SEMA5A: variants seen among roughly 807,000 people sequenced by gnomAD.
SEMA5A encodes semaphorin-5A.
A neutral mutation model predicts 135.5 loss-of-function variants in SEMA5A; 55 were observed. The ratio of observed to expected loss-of-function variants is 0.41; its 90% CI spans 0.33 to 0.51. SEMA5A has a LOEUF of 0.51. SEMA5A is among the 20% of genes least tolerant of loss of function. The probability of loss-of-function intolerance (pLI) is 0.37; values close to 1 mark genes in which losing one functional copy is unlikely to be tolerated. For missense variants in SEMA5A, 1,290 were observed against 1,419.9 expected (o/e 0.91, Z 1.47); for synonymous variants, 580 against 546.5 (o/e 1.06, Z -0.85).
Position 9,040,296 on chromosome 5 carries a change from A to AAAG in SEMA5A, c.*2598_*2600dup, listed in dbSNP as rs1735891862. On this transcript the variant is annotated 3_prime_UTR_variant, in exon 23 of 23. Coordinates refer to ENST00000382496, the MANE Select transcript of SEMA5A (RefSeq NM_003966.3). The stretch of plus-strand genomic sequence containing the variant: ...TTCAGGAATTTAAAATGTGAACCGC[A>AAAG]AAGTTTCACCAGGACTTCCAAACAG... 1 of 152,270 alleles carries AAAG rather than the reference A, an allele frequency of 6.6e-6. No individual in the cohort carries two copies. Among genetic ancestry groups the AAAG allele is most frequent in the South Asian group, 2.1e-4 (1 of 4,836 alleles). The allele number at this position is 152,270 out of a possible 1,614,324, so 9.4% of individuals were successfully genotyped here. A position where few individuals can be genotyped will look rare whatever the true frequency, so the allele number is the denominator to read the frequency against.
intron 10 of SEMA5A, among the ~76,000 whole-genome samples, chr5:9,193,813 C>T (rs539617239): frequency 1.3e-5 from 2 of 152,266 alleles, no homozygotes; most frequent in South Asian, 4.1e-4. Context: ...CAGACAATTG[C>T]TTGAACCCAG....
At chr5:9,259,393 T>C (rs1749277521) in intron 5 of SEMA5A, among the ~76,000 whole-genome samples, 1 of 152,026 alleles carries the variant, frequency 6.6e-6, no homozygotes, top group South Asian at 2.1e-4. Context: ...TGAGTTCTAG[T>C]TTGATTGCAC....
intron 5 of SEMA5A, among the ~76,000 whole-genome samples, chr5:9,242,349 G>A (rs1748246727): frequency 6.6e-6 from 1 of 152,162 alleles, no homozygotes; most frequent in Admixed American, 6.5e-5. Context: ...ACGAAAAAAG[G>A]CAGTAAACAT....
intron 2 of SEMA5A, among the ~76,000 whole-genome samples, chr5:9,410,560 G>A (rs1757067636): frequency 6.6e-6 from 1 of 152,050 alleles, no homozygotes; most frequent in African/African-American, 2.4e-5. Context: ...CATTCCTCAG[G>A]GACAAGGATA....
At chr5:9,201,916 G>C in intron 9 of SEMA5A, 39 bp downstream of exon 9, 1 of 1,570,432 alleles carries the variant, frequency 6.4e-7, no homozygotes, top group Admixed American at 1.7e-5. Context: ...TTCAGAATGA[G>C]TAAGAGAGAG....
At chr5:9,389,036 TGTC>T (rs1756031426) in intron 2 of SEMA5A, among the ~76,000 whole-genome samples, 1 of 152,226 alleles carries the variant, frequency 6.6e-6, no homozygotes, top group Non-Finnish European at 1.5e-5. Context: ...ACCCTTCTAC[TGTC>T]ATCAGTCTGG....
intron 12 of SEMA5A, among the ~76,000 whole-genome samples, chr5:9,154,061 AAAT>A (rs1282195688): frequency 1.2e-3 from 58 of 46,864 alleles, no homozygotes; most frequent in African/African-American, 2.6e-3. Context: ...AAAAAAAAAA[AAAT>A]ATATATATAT....
rs1244236369 is a variant in SEMA5A, at chr5:9,041,539, G to A, written c.*1358C>T. 2.0e-5 allele frequency: 3 copies of A among 152,168 alleles called. No homozygotes were observed. The highest frequency in any genetic ancestry group is 2.1e-4 in the South Asian group (1 of 4,832). The allele number at this position is 152,168 out of a possible 1,614,324, so 9.4% of individuals were successfully genotyped here. A position where few individuals can be genotyped will look rare whatever the true frequency, so the allele number is the denominator to read the frequency against. On this transcript the variant is annotated 3_prime_UTR_variant, in exon 23 of 23. Coordinates refer to ENST00000382496, the MANE Select transcript of SEMA5A (RefSeq NM_003966.3). Reference sequence around the variant, plus strand: ...GTTAGCACACTCTTAAATGCTTATCGATGATCAGTGAAGAGACCACAGGGA... The same window carrying A: ...GTTAGCACACTCTTAAATGCTTATCAATGATCAGTGAAGAGACCACAGGGA...
intron 5 of SEMA5A, among the ~76,000 whole-genome samples, chr5:9,257,263 C>G (rs1290719398): frequency 6.6e-6 from 1 of 152,202 alleles, no homozygotes; most frequent in Non-Finnish European, 1.5e-5. Flanking sequence ...TACCTATCAT[C>G]TCTATGACCT....
At chr5:9,315,320 T>C (rs2150659632) in intron 5 of SEMA5A, among the ~76,000 whole-genome samples, 1 of 152,290 alleles carries the variant, frequency 6.6e-6, no homozygotes, top group Non-Finnish European at 1.5e-5. Flanking sequence ...AGAAATGATA[T>C]CCATTATCCC....
rs954645683 is a variant in SEMA5A at position 9,194,258 on chromosome 5, GA to G, written c.1068+2909del. ...TTTATATATTTTGTCCGAAAAAAAT[GA>G]TACTTTTTGTTGCTTTGTTACTGTT... On this transcript the variant is annotated intron_variant, in intron 10 of 22. Coordinates refer to ENST00000382496, the MANE Select transcript of SEMA5A (RefSeq NM_003966.3). Among the ~76,000 whole-genome samples, 5 of 152,094 alleles carry G rather than the reference GA, an allele frequency of 3.3e-5. No homozygotes were observed. In the East Asian group the frequency reaches 9.7e-4, roughly 29 times the overall value.
chr5:9,166,674 G>A (rs966223719), intron 11 of SEMA5A, among the ~76,000 whole-genome samples: 4 of 152,148 alleles, frequency 2.6e-5, no homozygotes, highest in African/African-American at 9.7e-5. Context: ...GCTCCTTGCA[G>A]TACCCTAAAT....
At chr5:9,460,565 G>A (rs1378591154) in intron 1 of SEMA5A, among the ~76,000 whole-genome samples, 1 of 152,128 alleles carries the variant, frequency 6.6e-6, no homozygotes, top group African/African-American at 2.4e-5. Context: ...TATGCTAGAT[G>A]TTCAAGTAGC....
intron 11 of SEMA5A, among the ~76,000 whole-genome samples, chr5:9,169,276 A>C (rs2150303242): frequency 6.6e-6 from 1 of 152,330 alleles, no homozygotes; most frequent in African/African-American, 2.4e-5. Context: ...TATTGAATCA[A>C]GTTGCAGACC....
At chr5:9,512,464 G>A (rs943116179) in intron 1 of SEMA5A, among the ~76,000 whole-genome samples, 1 of 152,162 alleles carries the variant, frequency 6.6e-6, no homozygotes, top group Non-Finnish European at 1.5e-5. Context: ...GTAGGAAGTG[G>A]TGAATCCAAA....
At chr5:9,369,152 T>A (rs1755032352) in intron 3 of SEMA5A, among the ~76,000 whole-genome samples, 1 of 152,212 alleles carries the variant, frequency 6.6e-6, no homozygotes, top group South Asian at 2.1e-4. Flanking sequence ...CTAGTCCATT[T>A]TTAAAAATTA....
intron 2 of SEMA5A, among the ~76,000 whole-genome samples, chr5:9,405,835 T>A (rs1482339299): frequency 1.3e-5 from 2 of 152,170 alleles, no homozygotes; most frequent in Non-Finnish European, 2.9e-5. Context: ...CATATGCAGG[T>A]AAACGATGTC....
intron 2 of SEMA5A, among the ~76,000 whole-genome samples, chr5:9,421,836 C>T (rs1757481005): frequency 6.6e-6 from 1 of 152,160 alleles, no homozygotes; most frequent in Non-Finnish European, 1.5e-5. Flanking sequence ...ATATATTTTT[C>T]AATTTTCTTA....
chr5:9,218,447 T>A (rs1045585629), intron 8 of SEMA5A, among the ~76,000 whole-genome samples: 4 of 152,138 alleles, frequency 2.6e-5, no homozygotes, highest in Non-Finnish European at 5.9e-5. Flanking sequence ...ACTGGGCGTT[T>A]CATCGGTTTG....
Sources: gnomAD v4.1 joint callset for allele counts (sites outside exome capture counted in the v4.1 genomes callset) on GRCh38, gnomAD v4.1.1 for gene constraint, MANE v1.5 for transcripts, NCBI Gene and HGNC (gene_info 2026-07-23, HGNC 2026-07-21) for gene names.